Variants in SENP1 observed in about 807,000 individuals in gnomAD.
The protein encoded by SENP1 is sentrin-specific protease 1.
SENP1 carries 21 observed loss-of-function variants against 93.0 expected under a neutral mutation model. The observed-to-expected ratio is 0.23, with a 90% CI of 0.16 to 0.33. SENP1 has a LOEUF of 0.33. Ranked by LOEUF, SENP1 falls within the 10% of genes least tolerant of loss-of-function variation. The pLI is 1.00. For missense variants in SENP1, 591 were observed against 758.7 expected (o/e 0.78, Z 2.60); for synonymous variants, 256 against 259.6 (o/e 0.99, Z 0.13).
chr12:48,076,193 C>T (rs1488992442), intron 6 of SENP1, among the ~76,000 whole-genome samples: 1 of 152,238 alleles, frequency 6.6e-6, no homozygotes, highest in Admixed American at 6.5e-5. Context: ...ACCACCAATC[C>T]TCAAAACATA....
At chr12:48,104,520 A>C (rs922365611) in intron 1 of SENP1, among the ~76,000 whole-genome samples, 4 of 151,964 alleles carry the variant, frequency 2.6e-5, no homozygotes, top group Non-Finnish European at 4.4e-5. Context: ...ATACCTTAAC[A>C]CTCTAACGCC....
intron 5 of SENP1, chr12:48,088,544 G>T (rs1004538434): frequency 1.4e-5 from 6 of 436,766 alleles, no homozygotes; most frequent in Non-Finnish European, 2.4e-5. Flanking sequence ...TATTGATCTT[G>T]AAGGCTCCCA....
At chr12:48,085,033 T>G in intron 5 of SENP1, 1 of 1,148,274 alleles carries the variant, frequency 8.7e-7, no homozygotes, top group Non-Finnish European at 1.2e-6. Flanking sequence ...CTTCTGGTGC[T>G]CTGGGGTGAG....
In SENP1 at chr12:48,065,168, C is replaced by T; in HGVS notation, c.1172G>A (p.Arg391His). The change falls in exon 12 of 18, where the codon CGT becomes CAT. Residue 391 changes from arginine to histidine, a missense_variant. Transcript: ENST00000549518. ...SVHDSVELHL[R>H]VPLEKEIPVT... ...AGGAATCTCCTTTTCAAGAGGTACACGAAGATGTAGTTCTACTGAATCATG... is the reference window on the plus strand; with the variant it reads ...AGGAATCTCCTTTTCAAGAGGTACATGAAGATGTAGTTCTACTGAATCATG... 6.2e-7 allele frequency: 1 copy of T among 1,609,348 alleles called. No individual in the cohort carries two copies. The highest frequency in any genetic ancestry group is 8.5e-7 in the Non-Finnish European group (1 of 1,176,146).
At chr12:48,102,478 C>A (rs541414010) in intron 1 of SENP1, among the ~76,000 whole-genome samples, 4 of 141,514 alleles carry the variant, frequency 2.8e-5, no homozygotes, top group South Asian at 4.7e-4. Context: ...CACAACCAAA[C>A]TGCTTGGAAC....
chr12:48,067,871 T>C (rs1219174969), intron 9 of SENP1, among the ~76,000 whole-genome samples: 1 of 151,872 alleles, frequency 6.6e-6, no homozygotes, highest in Non-Finnish European at 1.5e-5. Context: ...TTTAGTGTTG[T>C]TTGTTTGTTT....
At chr12:48,073,197 T>G (rs1410069758) in intron 8 of SENP1, among the ~76,000 whole-genome samples, 2 of 152,170 alleles carry the variant, frequency 1.3e-5, no homozygotes, top group African/African-American at 4.8e-5. Context: ...CAGTGCAATG[T>G]AGTATATTTG....
chr12:48,079,228 G>A (rs1291806798), intron 6 of SENP1, among the ~76,000 whole-genome samples: 4 of 151,996 alleles, frequency 2.6e-5, no homozygotes, highest in East Asian at 1.9e-4. Flanking sequence ...GGCTGGGCAC[G>A]GTGGCTCAAG....
chr12:48,087,034 G>A (rs957964555), intron 5 of SENP1, among the ~76,000 whole-genome samples: 26 of 151,886 alleles, frequency 1.7e-4, no homozygotes, highest in African/African-American at 4.8e-4. Context: ...GCAAGGCTCC[G>A]TCTCAACAAA....
chr12:48,055,082 C>T (rs991181804), intron 13 of SENP1: 4 of 223,988 alleles, frequency 1.8e-5, no homozygotes, highest in African/African-American at 6.9e-5. Context: ...TTCAACCAGT[C>T]GCCGTGGTAT....
chr12:48,048,823 T>C, intron 14 of SENP1, 106 bp downstream of exon 14: 2 of 798,172 alleles, frequency 2.5e-6, no homozygotes, highest in South Asian at 3.5e-5. Context: ...TAAACACTCT[T>C]TCTCTCAATA....
chr12:48,056,463 T>C (rs1411529643), intron 13 of SENP1, among the ~76,000 whole-genome samples: 3 of 106,228 alleles, frequency 2.8e-5, no homozygotes, highest in African/African-American at 8.2e-5. Context: ...ACATATTACA[T>C]ATATAAATAT....
intron 5 of SENP1, chr12:48,085,237 A>G: frequency 6.4e-7 from 1 of 1,551,196 alleles, no homozygotes; most frequent in African/African-American, 1.4e-5. Context: ...CTAAACCGGG[A>G]TGACACTGGC....
chr12:48,073,173 G>C (rs1287434865), intron 8 of SENP1, among the ~76,000 whole-genome samples: 2 of 152,118 alleles, frequency 1.3e-5, no homozygotes, highest in Non-Finnish European at 2.9e-5. Flanking sequence ...CATGGTACAA[G>C]GAAAGTAATT....
rs201367781 is a variant in SENP1, at chr12:48,088,939, A to C, written c.242T>G (p.Phe81Cys). 279 of 1,591,280 alleles carry C rather than the reference A, an allele frequency of 1.8e-4. 1 individual carries two copies. The highest frequency in any genetic ancestry group is 1.7e-3 in the Middle Eastern group (10 of 6,038). The change falls in exon 5 of 18, where the codon TTT becomes TGT. Residue 81 changes from phenylalanine (F) to cysteine (C), a missense_variant. Physicochemically the swap from Phe to Cys is radical, Grantham distance 205. Around this residue, in one of 4 missense-constraint regions of SENP1, gnomAD observed 214 missense variants for 243.4 expected, o/e 0.88. Coordinates refer to ENST00000549518, the MANE Select transcript of SENP1 (RefSeq NM_001267594.2). ...GGTTCTTAAATCGCCTGAGCCAAGA[A>C]AACTGTCTGAGGAAGGATTATCTAA... is the stretch of plus-strand genomic sequence containing the variant. ...YYSDNPSSDS[F>C]LGSGDLRTFG...
At chr12:48,085,917 G>T (rs1049079315) in intron 5 of SENP1, among the ~76,000 whole-genome samples, 5 of 151,802 alleles carry the variant, frequency 3.3e-5, no homozygotes, top group African/African-American at 1.2e-4. Context: ...GCCTATGCAT[G>T]TTTTTTTTAA....
chr12:48,051,130 C>G (rs920993735), intron 13 of SENP1, among the ~76,000 whole-genome samples: 1 of 151,518 alleles, frequency 6.6e-6, no homozygotes, highest in African/African-American at 2.4e-5. Context: ...CTATACATCA[C>G]TATTCTATTT....
chr12:48,084,868 T>C (rs1944741729), intron 5 of SENP1, among the ~76,000 whole-genome samples: 1 of 152,246 alleles, frequency 6.6e-6, no homozygotes, highest in South Asian at 2.1e-4. Context: ...GAAACACAGC[T>C]GAATATTCTA....
chr12:48,049,567 A>T (rs1941640234), intron 13 of SENP1, among the ~76,000 whole-genome samples: 1 of 152,214 alleles, frequency 6.6e-6, no homozygotes, highest in East Asian at 1.9e-4. Context: ...GTTAGCGCCT[A>T]GTGTTAGTCA....
Sources: allele counts gnomAD v4.1 joint callset (sites outside exome capture counted in the v4.1 genomes callset), GRCh38; gene constraint gnomAD v4.1.1; regional missense constraint gnomAD v4.1.1; transcripts MANE v1.5; gene names NCBI Gene and HGNC (gene_info 2026-07-23, HGNC 2026-07-21).